SLC1A6: variants seen among roughly 807,000 people sequenced by gnomAD.
SLC1A6 encodes the protein excitatory amino acid transporter 4.
Under a neutral mutation model 42.1 loss-of-function variants are expected in SLC1A6, and 15 were observed. That is an observed-to-expected ratio of 0.36 (90% CI 0.24 to 0.55). The LOEUF (loss-of-function observed/expected upper bound fraction) is 0.55, where lower values mean the gene tolerates loss of function less well. Among genes scored for constraint, SLC1A6 ranks in the 20% least tolerant of loss-of-function variants. The pLI is 0.88. For synonymous variants in SLC1A6, 317 were observed against 319.7 expected, an observed-to-expected ratio of 0.99 and a Z score of 0.09; for missense variants, 542 against 772.5, an observed-to-expected ratio of 0.70 and a Z score of 3.54.
chr19:15,005,133 G>A (rs1299728518), intron 1 of SLC1A6, among the ~76,000 whole-genome samples: 4 of 151,976 alleles, frequency 2.6e-5, no homozygotes, highest in Non-Finnish European at 5.9e-5. Flanking sequence ...GGTAGCACAT[G>A]CCCATAGGGC....
chr19:14,982,447 T>G (rs1237837763), upstream of SLC1A6, among the ~76,000 whole-genome samples: 1 of 152,078 alleles, frequency 6.6e-6, no homozygotes, highest in Non-Finnish European at 1.5e-5. Context: ...GAGAATTACT[T>G]GAACCCCGGA....
intron 7 of SLC1A6, among the ~76,000 whole-genome samples, chr19:14,955,789 G>A (rs777813427): frequency 5.3e-5 from 8 of 151,832 alleles, no homozygotes; most frequent in Non-Finnish European, 1.0e-4. Flanking sequence ...ACAAAAATTA[G>A]CCAGGTGTGG....
chr19:14,952,621 T>C (rs1350976398), intron 9 of SLC1A6, among the ~76,000 whole-genome samples: 1 of 151,990 alleles, frequency 6.6e-6, no homozygotes, highest in Non-Finnish European at 1.5e-5. Context: ...GTATTTTTAG[T>C]AGAGACACCG....
intron 4 of SLC1A6, among the ~76,000 whole-genome samples, chr19:14,967,202 G>A (rs760639736): frequency 2.0e-5 from 3 of 152,086 alleles, no homozygotes; most frequent in Non-Finnish European, 4.4e-5. Flanking sequence ...TATATACAAG[G>A]CTCCAGGGCA....
intron 1 of SLC1A6, among the ~76,000 whole-genome samples, chr19:14,989,848 G>A (rs9749620): frequency 1.3e-5 from 2 of 150,712 alleles, no homozygotes; most frequent in Non-Finnish European, 3.0e-5. Context: ...AAAAATCAGC[G>A]TGGCGTGGTG....
intron 1 of SLC1A6, among the ~76,000 whole-genome samples, chr19:14,985,106 T>G (rs2045786951): frequency 6.6e-6 from 1 of 152,258 alleles, no homozygotes; most frequent in South Asian, 2.1e-4. Flanking sequence ...GGTCTTGAAC[T>G]CCTGACCTTA....
At chr19:15,007,955 G>A (rs28542585) in intron 1 of SLC1A6, among the ~76,000 whole-genome samples, 4,127 of 151,858 alleles carry the variant, frequency 0.027, 67 homozygotes, top group African/African-American at 0.029. Context: ...AACCCAGGAA[G>A]CAGAGGTTGC....
intron 1 of SLC1A6, among the ~76,000 whole-genome samples, chr19:14,975,821 C>CTTTTCTGTGGGTCCCT (rs2045700290): frequency 1.4e-5 from 1 of 70,430 alleles, no homozygotes; most frequent in Non-Finnish European, 2.6e-5. Context: ...GGGAAGGGGA[C>CTTTTCTGTGGGTCCCT]AAAGGGAAGG....
At chr19:14,954,722 G>A (rs1035437201) in intron 7 of SLC1A6, among the ~76,000 whole-genome samples, 2 of 152,104 alleles carry the variant, frequency 1.3e-5, no homozygotes, top group African/African-American at 4.8e-5. Flanking sequence ...GAAGACAAGG[G>A]TATAACATTT....
chr19:14,964,444 A>G, intron 4 of SLC1A6, 83 bp from the exon 5 acceptor site: 1 of 1,098,580 alleles, frequency 9.1e-7, no homozygotes, highest in East Asian at 2.4e-5. Flanking sequence ...AACACCAAGA[A>G]CAACAATAGT....
In SLC1A6 at chr19:14,957,143, T is replaced by A. The variant is rs1245488972; in HGVS notation, c.936-434A>T. The stretch of plus-strand genomic sequence containing the variant: ...CTGTTTGTTCCACATTTGAAATGTG[T>A]ATGCCCCTATTCTCTTCCCTATCAG... On this transcript the variant is annotated intron_variant, in intron 6 of 9. Transcript: ENST00000594383. Among the ~76,000 whole-genome samples, 4 of 152,186 alleles carry A rather than the reference T, an allele frequency of 2.6e-5. 1 individual carries two copies. The highest frequency in any genetic ancestry group is 4.8e-5 in the African/African-American group (2 of 41,420).
chr19:14,966,225 C>T (rs1393981748), intron 4 of SLC1A6, among the ~76,000 whole-genome samples: 2 of 152,194 alleles, frequency 1.3e-5, no homozygotes, highest in African/African-American at 4.8e-5. Context: ...GGCACAGTGG[C>T]TCACGTCTGT....
chr19:14,971,027 G>A (rs571395577), intron 3 of SLC1A6, among the ~76,000 whole-genome samples: 2 of 152,234 alleles, frequency 1.3e-5, no homozygotes, highest in South Asian at 2.1e-4. Context: ...CTACTCGGGA[G>A]GCTGAAGTGG....
chr19:14,957,130 C>A (rs1014800427), intron 6 of SLC1A6, among the ~76,000 whole-genome samples: 57 of 152,298 alleles, frequency 3.7e-4, no homozygotes, highest in Admixed American at 1.5e-3. Context: ...GTTTGTTCCA[C>A]ATTTGAAATG....
chr19:14,996,528 T>TTTCTTCTTCTTCTTCCTCTTC (rs2045846986), intron 1 of SLC1A6, among the ~76,000 whole-genome samples: 3 of 125,854 alleles, frequency 2.4e-5, no homozygotes, highest in African/African-American at 9.3e-5. Flanking sequence ...CCTCCTCCTC[T>TTTCTTCTTCTTCTTCCTCTTC]TTCTTCTTCT....
At chr19:14,985,028 C>T (rs1289336044) in intron 1 of SLC1A6, among the ~76,000 whole-genome samples, 2 of 152,090 alleles carry the variant, frequency 1.3e-5, no homozygotes, top group Non-Finnish European at 2.9e-5. Flanking sequence ...ATTACAGGTG[C>T]GTGCCACCAT....
rs750315808 is a variant in SLC1A6 at position 14,972,722 on chromosome 19, G to A, written c.189C>T (p.Val63=). Residue 63 remains valine, a synonymous_variant, in exon 2 of 10, where the codon GTC becomes GTT. Coordinates refer to ENST00000594383, the MANE Select transcript of SLC1A6 (RefSeq NM_005071.3). ...AGAGCTCACCAATGACCACGGCGCT[G>A]ACCGTCAGCAGAATGAAGGCGTTTC... The part of the protein sequence containing the change: ...LRRNAFILLT[V]SAVVIGVSLA... 2 of 1,613,958 alleles carry A rather than the reference G, an allele frequency of 1.2e-6. No individual in the cohort carries two copies. Among genetic ancestry groups the A allele is most frequent in the South Asian group, 2.2e-5 (2 of 91,070 alleles).
chr19:14,962,454 G>A (rs1260779345), intron 5 of SLC1A6, 109 bp from the exon 6 acceptor site: 3 of 730,740 alleles, frequency 4.1e-6, no homozygotes, highest in African/African-American at 3.5e-5. Flanking sequence ...CTGGAAGATC[G>A]ATAAGATCTT....
At chr19:14,979,995 C>G (rs1389388742), upstream of SLC1A6, 1 of 152,304 alleles carries the variant, frequency 6.6e-6, no homozygotes, top group African/African-American at 2.4e-5. The surrounding 1 kb of genome is among the most constrained non-coding windows in gnomAD (Gnocchi z 4.2). Context: ...TGGCGGAGCG[C>G]GGGGAACAGG....
Sources: allele counts gnomAD v4.1 joint callset (sites outside exome capture counted in the v4.1 genomes callset), GRCh38; gene constraint gnomAD v4.1.1; non-coding constraint Gnocchi (gnomAD v3.1); transcripts MANE v1.5; gene names NCBI Gene and HGNC (gene_info 2026-07-23, HGNC 2026-07-21).